Variants in PLAA observed in about 807,000 individuals in gnomAD.
PLAA encodes the protein phospholipase A2 activating protein.
PLAA carries 48 observed loss-of-function variants against 84.1 expected under a neutral mutation model. The observed-to-expected ratio is 0.57, with a 90% CI of 0.45 to 0.73. PLAA has a LOEUF of 0.73. Among genes scored for constraint, PLAA ranks in the 30% least tolerant of loss-of-function variants. The pLI is 0.00. For missense variants in PLAA, 903 were observed against 954.7 expected (o/e 0.95, Z 0.71); for synonymous variants, 392 against 336.6 (o/e 1.16, Z -1.80).
intron 6 of PLAA, among the ~76,000 whole-genome samples, chr9:26,923,566 T>G (rs898053123): frequency 6.6e-6 from 1 of 152,236 alleles, no homozygotes; most frequent in Admixed American, 6.5e-5. Context: ...CAGAGAAACA[T>G]GTATTTTATA....
Position 26,914,263 on chromosome 9 carries a change from G to C in PLAA, c.1487-316C>G, listed in dbSNP as rs113496858. Among the ~76,000 whole-genome samples, 197 of 152,298 alleles carry C rather than the reference G, an allele frequency of 1.3e-3. 1 individual carries two copies. Among genetic ancestry groups the C allele is most frequent in the African/African-American group, 4.4e-3 (185 of 41,576 alleles). The stretch of plus-strand genomic sequence containing the variant: ...GTGAACACTATTCTATTGAAGTAAA[G>C]GGGTGGGACTAACTAGCACATAAGA... On this transcript the variant is annotated intron_variant, in intron 10 of 13. Transcript: ENST00000397292.
At chr9:26,916,017 CA>C in intron 10 of PLAA, 1 of 985,360 alleles carries the variant, frequency 1.0e-6, no homozygotes. Flanking sequence ...GCCACTGTGC[CA>C]TAACAGCATT....
chr9:26,921,510 T>C (rs930322246), intron 7 of PLAA, among the ~76,000 whole-genome samples: 10 of 152,248 alleles, frequency 6.6e-5, no homozygotes, highest in Non-Finnish European at 1.2e-4. Context: ...ATTTGTTATT[T>C]TGGTTGACTA....
intron 2 of PLAA, among the ~76,000 whole-genome samples, chr9:26,930,036 T>A (rs555558711): frequency 1.5e-4 from 23 of 152,202 alleles, no homozygotes; most frequent in Admixed American, 3.9e-4. Flanking sequence ...TTGATTTTTT[T>A]AATTCTCTAC....
In PLAA at chr9:26,947,062, G is replaced by T; in HGVS notation, c.-17C>A. The T allele has an allele frequency of 3.2e-6, 5 of 1,559,950 alleles. No homozygotes were observed. Among genetic ancestry groups the T allele is most frequent in the Non-Finnish European group, 4.3e-6 (5 of 1,153,650 alleles). ...GCTCGTCATGGCCAGTGTCTGTCTG[G>T]CGCCCGGTGCCCAGGCACTGTGCGA... On this transcript the variant is annotated 5_prime_UTR_variant, in exon 1 of 14. Transcript: ENST00000397292.
chr9:26,926,123 A>T (rs1397667187), intron 5 of PLAA, among the ~76,000 whole-genome samples, 163 bp from the exon 6 acceptor site: 1 of 152,212 alleles, frequency 6.6e-6, no homozygotes, highest in Non-Finnish European at 1.5e-5. Context: ...CTTCAAAATC[A>T]CATTTTTTAT....
At chr9:26,926,622 AT>A (rs1824976976) in intron 4 of PLAA, 62 bp from the exon 5 acceptor site, 1 of 1,174,380 alleles carries the variant, frequency 8.5e-7, no homozygotes, top group Non-Finnish European at 1.2e-6. Context: ...GGCTCTATAC[AT>A]TTTACTAACA....
chr9:26,934,931 C>A, intron 2 of PLAA, 82 bp downstream of exon 2: 1 of 1,057,136 alleles, frequency 9.5e-7, no homozygotes, highest in African/African-American at 1.7e-5. Flanking sequence ...ATAATAAAAA[C>A]TTGAGAAAAT....
intron 1 of PLAA, among the ~76,000 whole-genome samples, chr9:26,941,976 A>G (rs1257369044): frequency 6.6e-6 from 1 of 152,184 alleles, no homozygotes; most frequent in Non-Finnish European, 1.5e-5. Flanking sequence ...AGAAAAAAAA[A>G]ATAGTTCAAA....
At chr9:26,932,516 A>G (rs12352400) in intron 2 of PLAA, among the ~76,000 whole-genome samples, 1,920 of 152,374 alleles carry the variant, frequency 0.013, 41 homozygotes, top group African/African-American at 0.043. Context: ...GCTGTGCACT[A>G]CAACTGCAGA....
At chr9:26,932,466 AAC>A (rs1042335405) in intron 2 of PLAA, among the ~76,000 whole-genome samples, 1 of 152,244 alleles carries the variant, frequency 6.6e-6, no homozygotes. Flanking sequence ...GATTTATTGA[AAC>A]ACAGACATGC....
At chr9:26,933,788 CAAAAA>C (rs199939902) in intron 2 of PLAA, among the ~76,000 whole-genome samples, 6 of 89,188 alleles carry the variant, frequency 6.7e-5, no homozygotes, top group African/African-American at 8.2e-5. Context: ...GACTCTGCCT[CAAAAA>C]AAAAAAAAAA....
At chr9:26,916,237 A>G (rs1587157005) in intron 10 of PLAA, 1 of 985,362 alleles carries the variant, frequency 1.0e-6, no homozygotes, top group Non-Finnish European at 1.2e-6. Flanking sequence ...TCACAGTACC[A>G]GTCTGCAAGG....
chr9:26,928,112 T>C lies in PLAA; in HGVS notation c.553A>G (p.Arg185Gly), dbSNP rs750196251. Reference protein sequence around the residue: ...VKLWKAGRCERTFSGHEDCVR... With the variant: ...VKLWKAGRCEGTFSGHEDCVR... ...ACCCTGATCTTACCTGAAAAAGTCC[T>C]CTCACATCTTCCAGCCTTCCACAGT... Residue 185 changes from arginine to glycine, a missense_variant, in exon 4 of 14, where the codon AGG (arginine) becomes GGG (glycine). Coordinates refer to ENST00000397292, the MANE Select transcript of PLAA (RefSeq NM_001031689.3). 2 of 1,613,788 alleles carry C rather than the reference T, an allele frequency of 1.2e-6. No homozygotes were observed. Among genetic ancestry groups the C allele is most frequent in the African/African-American group, 1.3e-5 (1 of 74,918 alleles).
At chr9:26,929,038 A>G (rs1825080215) in intron 2 of PLAA, among the ~76,000 whole-genome samples, 1 of 151,900 alleles carries the variant, frequency 6.6e-6, no homozygotes, top group Non-Finnish European at 1.5e-5. Context: ...TCTCTACTAA[A>G]AATACAAAAA....
At chr9:26,916,657 C>A in intron 10 of PLAA, 3 of 990,094 alleles carry the variant, frequency 3.0e-6, no homozygotes, top group Non-Finnish European at 3.6e-6. Context: ...TAGCATCTCG[C>A]CAGTGATAGC....
intron 2 of PLAA, among the ~76,000 whole-genome samples, chr9:26,932,278 G>A (rs1457670739): frequency 1.3e-5 from 2 of 152,214 alleles, no homozygotes; most frequent in Non-Finnish European, 2.9e-5. Context: ...TTGAGGACGT[G>A]AGTGTCCTTA....
Position 26,928,376 on chromosome 9 carries a change from A to C in PLAA, c.376T>G (p.Leu126Val). 6.2e-7 allele frequency: 1 copy of C among 1,613,882 alleles called. No individual in the cohort carries two copies. Residue 126 changes from leucine (L) to valine (V), a missense_variant, in exon 3 of 14, where the codon TTA becomes GTA. Physicochemically the swap from Leu to Val is conservative, Grantham distance 32. Coordinates refer to ENST00000397292, the MANE Select transcript of PLAA (RefSeq NM_001031689.3). ...GTGGTGTCCCATGAACCACTAAGTA[A>C]TGTCCCAAATTTTCCAGATGATAGA... ...CSLSSGKFGT[L>V]LSGSWDTTAK...
At chr9:26,944,418 G>C (rs1419269362) in intron 1 of PLAA, among the ~76,000 whole-genome samples, 2 of 152,102 alleles carry the variant, frequency 1.3e-5, no homozygotes, top group African/African-American at 2.4e-5. Flanking sequence ...CAACATTAAA[G>C]GTATGGTTGA....
Sources: gnomAD v4.1 joint callset for allele counts (sites outside exome capture counted in the v4.1 genomes callset) on GRCh38, gnomAD v4.1.1 for gene constraint, MANE v1.5 for transcripts, NCBI Gene and HGNC (gene_info 2026-07-23, HGNC 2026-07-21) for gene names.